RANBP2: variants seen among roughly 807,000 people sequenced by gnomAD.
The protein encoded by RANBP2 is RAN binding protein 2, also known as E3 SUMO-protein ligase RanBP2.
Under a neutral mutation model 303.6 loss-of-function variants are expected in RANBP2, and 57 were observed. That is an observed-to-expected ratio of 0.19 (90% CI 0.15 to 0.23). The LOEUF is 0.23. Ranked by LOEUF, RANBP2 falls within the 10% of genes least tolerant of loss-of-function variation. The pLI, the probability that RANBP2 is intolerant of heterozygous loss-of-function variation, is 1.00. For synonymous variants in RANBP2, 1,167 were observed against 1,301.5 expected (o/e 0.90, Z 2.23); for missense variants, 3,138 against 3,780.8 (o/e 0.83, Z 4.46).
the RANBP2 span, among the ~76,000 whole-genome samples, chr2:109,158,004 G>A: frequency 6.6e-6 from 1 of 152,176 alleles, no homozygotes; most frequent in East Asian, 1.9e-4. Flanking sequence ...TGAGCCCGTG[G>A]TATGTTCTAG....
the RANBP2 span, among the ~76,000 whole-genome samples, chr2:109,608,261 G>A: frequency 1.3e-5 from 2 of 152,160 alleles, no homozygotes; most frequent in Non-Finnish European, 2.9e-5. Flanking sequence ...ATGAGAGACT[G>A]GGATACAGTT....
chr2:108,787,090 T>A (rs1269106271), downstream of RANBP2, among the ~76,000 whole-genome samples: 1 of 151,576 alleles, frequency 6.6e-6, no homozygotes, highest in East Asian at 1.9e-4. Flanking sequence ...GGCGTTGCGC[T>A]GCGGGGGTGC....
At chr2:109,439,284 T>C in the RANBP2 span, among the ~76,000 whole-genome samples, 1 of 152,038 alleles carries the variant, frequency 6.6e-6, no homozygotes, top group East Asian at 1.9e-4. Flanking sequence ...GTTAAACGGC[T>C]CCCCAGTGCA....
chr2:109,429,802 G>A, the RANBP2 span, among the ~76,000 whole-genome samples: 1 of 152,218 alleles, frequency 6.6e-6, no homozygotes, highest in Admixed American at 6.5e-5. Flanking sequence ...GAGGAAGCAC[G>A]TTGCACAGGG....
At chr2:109,070,924 T>C in the RANBP2 span, among the ~76,000 whole-genome samples, 1,277 of 151,916 alleles carry the variant, frequency 8.4e-3, 9 homozygotes, top group East Asian at 0.04. Context: ...TCTCTCGCCA[T>C]GTGGGGCACG....
At chr2:108,908,350 T>C in the RANBP2 span, among the ~76,000 whole-genome samples, 1 of 152,138 alleles carries the variant, frequency 6.6e-6, no homozygotes, top group Admixed American at 6.5e-5. Flanking sequence ...TCCGTGAAGG[T>C]TCATTGAATA....
the RANBP2 span, among the ~76,000 whole-genome samples, chr2:109,535,446 G>T: frequency 6.6e-6 from 1 of 152,168 alleles, no homozygotes; most frequent in African/African-American, 2.4e-5. Context: ...TTTGACACGG[G>T]TAGGGCTGTA....
chr2:109,287,341 T>C, the RANBP2 span, among the ~76,000 whole-genome samples: 1 of 152,164 alleles, frequency 6.6e-6, no homozygotes, highest in Admixed American at 6.5e-5. Context: ...CTGCAGACCA[T>C]AAGAAAGTAC....
chr2:108,720,314 C>T (rs1283200813), intron 1 of RANBP2: 4 of 737,710 alleles, frequency 5.4e-6, no homozygotes, highest in East Asian at 2.4e-4. Context: ...TCACCTCCCT[C>T]GCCCCCCTCC....
the RANBP2 span, among the ~76,000 whole-genome samples, chr2:109,439,542 A>G: frequency 6.6e-6 from 1 of 152,214 alleles, no homozygotes; most frequent in Admixed American, 6.5e-5. Context: ...TCTCATCTCG[A>G]GCCAAAGTCA....
chr2:109,199,591 A>AACCCGAG, the RANBP2 span, among the ~76,000 whole-genome samples: 2 of 176 alleles, frequency 0.011, no homozygotes, highest in African/African-American at 0.019. Flanking sequence ...ATGGAATGGA[A>AACCCGAG]TGGAATGGAA....
At chr2:109,761,651 C>T in the RANBP2 span, among the ~76,000 whole-genome samples, 21 of 148,508 alleles carry the variant, frequency 1.4e-4, no homozygotes, top group Admixed American at 5.5e-4. Flanking sequence ...TCTGCTCCCC[C>T]CAACCCGCCA....
the RANBP2 span, among the ~76,000 whole-genome samples, chr2:109,477,811 G>A: frequency 2.0e-5 from 3 of 152,274 alleles, no homozygotes; most frequent in African/African-American, 7.2e-5. Context: ...GAGCTCTCAC[G>A]ACCCGATCAT....
At chr2:109,132,593 G>C in the RANBP2 span, among the ~76,000 whole-genome samples, 1 of 152,194 alleles carries the variant, frequency 6.6e-6, no homozygotes, top group African/African-American at 2.4e-5. Flanking sequence ...CCTAAGATCA[G>C]GAGTTGGTCT....
chr2:109,642,638 G>C, the RANBP2 span, among the ~76,000 whole-genome samples: 1 of 147,488 alleles, frequency 6.8e-6, no homozygotes, highest in East Asian at 2.0e-4. Context: ...AGGCAACAGA[G>C]CAAGACTCCA....
At chr2:109,141,594 C>G in the RANBP2 span, 4 of 154,906 alleles carry the variant, frequency 2.6e-5, no homozygotes. Flanking sequence ...CTGCACTTTT[C>G]TCTATCGTGA....
the RANBP2 span, among the ~76,000 whole-genome samples, chr2:109,347,340 G>A: frequency 6.6e-6 from 1 of 152,216 alleles, no homozygotes; most frequent in African/African-American, 2.4e-5. Flanking sequence ...CCCTCTCTGT[G>A]CCTCAGTGTC....
chr2:109,420,692 G>A, the RANBP2 span, among the ~76,000 whole-genome samples: 7 of 152,106 alleles, frequency 4.6e-5, no homozygotes, highest in South Asian at 2.1e-4. Context: ...TGATCCGCCC[G>A]CCTTGGCCTC....
At chr2:109,719,558 C>T in the RANBP2 span, among the ~76,000 whole-genome samples, 2 of 151,878 alleles carry the variant, frequency 1.3e-5, no homozygotes, top group Non-Finnish European at 2.9e-5. Context: ...AGGTGTGCGC[C>T]ACTACACCCA....
Sources: allele counts gnomAD v4.1 joint callset (sites outside exome capture counted in the v4.1 genomes callset), GRCh38; gene constraint gnomAD v4.1.1; transcripts MANE v1.5; gene names NCBI Gene and HGNC (gene_info 2026-07-23, HGNC 2026-07-21).